Variants in SUGT1 observed in about 807,000 individuals in gnomAD.
SUGT1 encodes the protein protein SGT1 homolog.
SUGT1 carries 15 observed loss-of-function variants against 56.1 expected under a neutral mutation model. That is an observed-to-expected ratio of 0.27 (90% CI 0.18 to 0.41). The LOEUF (loss-of-function observed/expected upper bound fraction) is 0.41, where lower values mean the gene tolerates loss of function less well. SUGT1 is among the 10% of genes least tolerant of loss of function. The pLI is 1.00. For missense variants in SUGT1, 347 were observed against 382.2 expected, an observed-to-expected ratio of 0.91 and a Z score of 0.77; for synonymous variants, 123 against 128.6, an observed-to-expected ratio of 0.96 and a Z score of 0.30.
intron 2 of SUGT1, among the ~76,000 whole-genome samples, chr13:52,653,837 T>A (rs1962034650): frequency 7.3e-6 from 1 of 137,148 alleles, no homozygotes; most frequent in East Asian, 2.0e-4. Context: ...TTGCGTTAAA[T>A]CACAGAAAAG....
In SUGT1 at chr13:52,666,967, G is replaced by A; in HGVS notation, c.627+48G>A. 3.1e-6 allele frequency: 4 copies of A among 1,298,790 alleles called. 1 individual carries two copies. Among genetic ancestry groups the A allele is most frequent in the Non-Finnish European group, 4.4e-6 (4 of 906,288 alleles). 80.5% of individuals were successfully genotyped at this position (1,298,790 alleles called of 1,614,324 possible). On this transcript the variant is annotated intron_variant, in intron 10 of 12. Coordinates refer to ENST00000310528, the MANE Select transcript of SUGT1 (RefSeq NM_006704.5). ...TACTAGTAATATTTTCAAAATTATA[G>A]AAATACTGGTGAACTAATCACCCAT...
Position 52,699,555 on chromosome 13 carries a change from T to C in SUGT1, c.*11720T>C, listed in dbSNP as rs1478289672. 1 of 152,228 alleles carries C rather than the reference T, an allele frequency of 6.6e-6. No homozygotes were observed. Among genetic ancestry groups the C allele is most frequent in the African/African-American group, 2.4e-5 (1 of 41,460 alleles). 9.4% of individuals were successfully genotyped at this position (152,228 alleles called of 1,614,324 possible). A position where few individuals can be genotyped will look rare whatever the true frequency, so the allele number is the denominator to read the frequency against. ...TCCCATGGAGATCTTTTTTACTGCT[T>C]AATTTTTTGGAGTTACCTCAGTAAC... is the stretch of plus-strand genomic sequence containing the variant. On this transcript the variant is annotated 3_prime_UTR_variant, in exon 13 of 13. Coordinates refer to ENST00000310528, the MANE Select transcript of SUGT1 (RefSeq NM_006704.5).
At chr13:52,656,497 G>A (rs1219920071) in intron 2 of SUGT1, among the ~76,000 whole-genome samples, 3 of 152,058 alleles carry the variant, frequency 2.0e-5, no homozygotes, top group Non-Finnish European at 4.4e-5. Context: ...AAAGTAAATT[G>A]GACCATGTTC....
Position 52,653,138 on chromosome 13 carries a change from T to G in SUGT1, c.96+35T>G, listed in dbSNP as rs1452909034. On this transcript the variant is annotated intron_variant, in intron 2 of 12. Transcript: ENST00000310528. Reference sequence around the variant, plus strand: ...CCCATTTCTGCTTCCTCCACTCTTCTTAGGGGAGCTGGGCCACTTCGGGTC... The same window carrying G: ...CCCATTTCTGCTTCCTCCACTCTTCGTAGGGGAGCTGGGCCACTTCGGGTC... The G allele has an allele frequency of 1.9e-6, 3 of 1,613,498 alleles. No homozygotes were observed. The East Asian group carries it at 6.7e-5, about 36-fold the overall frequency.
At chr13:52,687,666 T>C in intron 12 of SUGT1, 68 bp from the exon 13 acceptor site, 15 of 1,316,864 alleles carry the variant, frequency 1.1e-5, no homozygotes, top group Non-Finnish European at 1.5e-5. Context: ...GCTTGGAACA[T>C]TTTAAGAAAA....
chr13:52,661,101 T>C (rs1241196945), intron 5 of SUGT1, among the ~76,000 whole-genome samples: 1 of 152,026 alleles, frequency 6.6e-6, no homozygotes, highest in African/African-American at 2.4e-5. Flanking sequence ...CATGAGCCAC[T>C]GCGTCTGGCC....
chr13:52,663,186 C>A, intron 7 of SUGT1, 74 bp downstream of exon 7: 1 of 1,465,336 alleles, frequency 6.8e-7, no homozygotes, highest in Non-Finnish European at 9.4e-7. Context: ...TGAGACAAGA[C>A]TCAGGATGAG....
chr13:52,666,636 G>GA (rs1414611112), intron 9 of SUGT1, among the ~76,000 whole-genome samples, 176 bp from the exon 10 acceptor site: 8 of 151,464 alleles, frequency 5.3e-5, no homozygotes, highest in African/African-American at 1.7e-4. Context: ...ATACCAGATG[G>GA]AAAAAAAAGG....
chr13:52,667,161 T>C (rs940568890), intron 10 of SUGT1, among the ~76,000 whole-genome samples: 1 of 152,168 alleles, frequency 6.6e-6, no homozygotes, highest in Non-Finnish European at 1.5e-5. Flanking sequence ...AGATATAATG[T>C]TTTTCAATAA....
At chr13:52,684,194 C>T (rs1183720908) in intron 12 of SUGT1, among the ~76,000 whole-genome samples, 2 of 152,104 alleles carry the variant, frequency 1.3e-5, no homozygotes, top group African/African-American at 4.8e-5. Context: ...AGCCCCCATG[C>T]CTGGCCTCCC....
intron 8 of SUGT1, among the ~76,000 whole-genome samples, 186 bp from the exon 9 acceptor site, chr13:52,665,451 A>AT (rs948057860): frequency 6.6e-6 from 1 of 152,038 alleles, no homozygotes; most frequent in Non-Finnish European, 1.5e-5. Context: ...TTACCTTACC[A>AT]TTTTTTTCCA....
At chr13:52,685,966 C>T (rs1963572060) in intron 12 of SUGT1, among the ~76,000 whole-genome samples, 1 of 152,154 alleles carries the variant, frequency 6.6e-6, no homozygotes, top group Admixed American at 6.5e-5. Context: ...TTCACTCTGT[C>T]ACTCAGGCTG....
In SUGT1 at chr13:52,685,988, C is replaced by T. The variant is rs566047294; in HGVS notation, c.901-1746C>T. Among the ~76,000 whole-genome samples the T allele has an allele frequency of 1.1e-4, 16 of 152,268 alleles. No individual in the cohort carries two copies. In the East Asian group the frequency reaches 1.7e-3, roughly 17 times the overall value. ...TGTCACTCAGGCTGGAATGCAGTGG[C>T]GCTGTCTCAGCTCATTGCAACCTCT... On this transcript the variant is annotated intron_variant, in intron 12 of 12. Transcript: ENST00000310528.
In SUGT1 at chr13:52,689,175, G is replaced by A. The variant is rs1347125647; in HGVS notation, c.*1340G>A. 6.6e-6 allele frequency: 1 copy of A among 152,032 alleles called. No individual in the cohort carries two copies. The highest frequency in any genetic ancestry group is 1.5e-5 in the Non-Finnish European group (1 of 68,024). 9.4% of individuals were successfully genotyped at this position (152,032 alleles called of 1,614,324 possible). On this transcript the variant is annotated 3_prime_UTR_variant, in exon 13 of 13. Transcript: ENST00000310528. ...GGGTGTAGGGGAGTTACTAAGGAAA[G>A]TTTCAGTAAGGTGATACCAGATGGT... is the stretch of plus-strand genomic sequence containing the variant.
At chr13:52,684,501 A>G (rs1963500016) in intron 12 of SUGT1, among the ~76,000 whole-genome samples, 1 of 147,076 alleles carries the variant, frequency 6.8e-6, no homozygotes, top group South Asian at 2.2e-4. Context: ...TTACTTTTCT[A>G]GGTTCTTAAG....
Position 52,693,752 on chromosome 13 carries a change from G to A in SUGT1, c.*5917G>A, listed in dbSNP as rs1046462392. 4 of 152,126 alleles carry A rather than the reference G, an allele frequency of 2.6e-5. No individual in the cohort carries two copies. Among genetic ancestry groups the A allele is most frequent in the Non-Finnish European group, 5.9e-5 (4 of 68,028 alleles). 9.4% of individuals were successfully genotyped at this position (152,126 alleles called of 1,614,324 possible). Reference sequence around the variant, plus strand: ...GTGTGCATGTGCATCTGTATGACAAGTGATATAAAACGTGACCTGAATTTA... The same window carrying A: ...GTGTGCATGTGCATCTGTATGACAAATGATATAAAACGTGACCTGAATTTA... On this transcript the variant is annotated 3_prime_UTR_variant, in exon 13 of 13. Coordinates refer to ENST00000310528, the MANE Select transcript of SUGT1 (RefSeq NM_006704.5).
intron 12 of SUGT1, among the ~76,000 whole-genome samples, chr13:52,686,495 GAAAT>G (rs1459261936): frequency 6.6e-6 from 1 of 152,100 alleles, no homozygotes; most frequent in Non-Finnish European, 1.5e-5. Flanking sequence ...CAGGAATAGA[GAAAT>G]AAGAGGTCAG....
intron 12 of SUGT1, among the ~76,000 whole-genome samples, chr13:52,682,335 A>T (rs998261076): frequency 6.6e-6 from 1 of 151,876 alleles, no homozygotes; most frequent in African/African-American, 2.4e-5. Context: ...AGTAGATGGG[A>T]CTACACATCC....
chr13:52,690,244 T>C lies in SUGT1; in HGVS notation c.*2409T>C, dbSNP rs1440916276. The C allele has an allele frequency of 6.6e-6, 1 of 152,220 alleles. No homozygotes were observed. Among genetic ancestry groups the C allele is most frequent in the East Asian group, 1.9e-4 (1 of 5,204 alleles). The allele number at this position is 152,220 out of a possible 1,614,324, so 9.4% of individuals were successfully genotyped here. The stretch of plus-strand genomic sequence containing the variant: ...TCTAAAGTACTGCTTTGTTTAATCA[T>C]TCTAGATAATGGAAGCTTGTAAGCC... On this transcript the variant is annotated 3_prime_UTR_variant, in exon 13 of 13. Coordinates refer to ENST00000310528, the MANE Select transcript of SUGT1 (RefSeq NM_006704.5).
Sources: allele counts gnomAD v4.1 joint callset (sites outside exome capture counted in the v4.1 genomes callset), GRCh38; gene constraint gnomAD v4.1.1; transcripts MANE v1.5; gene names NCBI Gene and HGNC (gene_info 2026-07-23, HGNC 2026-07-21).